Variants in ZPBP observed in about 807,000 individuals in gnomAD.
ZPBP encodes zona pellucida binding protein, also known as zona pellucida-binding protein 1.
ZPBP carries 26 observed loss-of-function variants against 44.8 expected under a neutral mutation model. The observed-to-expected ratio is 0.58, with a 90% CI of 0.43 to 0.81. The LOEUF (loss-of-function observed/expected upper bound fraction) is 0.81, where lower values mean the gene tolerates loss of function less well. Ranked by LOEUF, ZPBP falls within the 30% of genes least tolerant of loss-of-function variation. ZPBP has a pLI of 0.00. For synonymous variants in ZPBP, 174 were observed against 153.2 expected, an observed-to-expected ratio of 1.14 and a Z score of -1.00; for missense variants, 409 against 434.0, an observed-to-expected ratio of 0.94 and a Z score of 0.51.
chr7:49,920,824 T>G (rs2128746999), intron 1 of ZPBP: 1 of 152,312 alleles, frequency 6.6e-6, no homozygotes, highest in South Asian at 2.1e-4. Flanking sequence ...ACCAAGTCTG[T>G]GTGATGCTTT....
chr7:50,070,143 C>T (rs1258559120), intron 3 of ZPBP, among the ~76,000 whole-genome samples: 2 of 152,152 alleles, frequency 1.3e-5, no homozygotes, highest in African/African-American at 4.8e-5. Context: ...GTCTCTCATC[C>T]TGGGTAGGTT....
At chr7:49,877,483 T>TAC (rs1562747776) in intron 2 of ZPBP, among the ~76,000 whole-genome samples, 2 of 10,476 alleles carry the variant, frequency 1.9e-4, no homozygotes, top group African/African-American at 4.0e-4. Flanking sequence ...AAAAAAAAAA[T>TAC]ATATATATAT....
chr7:49,901,830 G>C, intron 1 of ZPBP, among the ~76,000 whole-genome samples: 1 of 144,474 alleles, frequency 6.9e-6, no homozygotes, highest in Admixed American at 7.2e-5. Context: ...TTGATCAATG[G>C]AACAGAATAG....
the ZPBP span, among the ~76,000 whole-genome samples, chr7:49,842,254 T>C: frequency 6.6e-6 from 1 of 152,218 alleles, no homozygotes; most frequent in Non-Finnish European, 1.5e-5. Flanking sequence ...CATGAACTAG[T>C]AAATGGCTAT....
At chr7:49,883,704 A>C (rs1162208571) in intron 2 of ZPBP, among the ~76,000 whole-genome samples, 2 of 152,226 alleles carry the variant, frequency 1.3e-5, no homozygotes, top group Non-Finnish European at 2.9e-5. Context: ...ACTTCCTCAA[A>C]CAGACATCAG....
downstream of ZPBP, among the ~76,000 whole-genome samples, chr7:49,849,274 G>C (rs1275726276): frequency 2.6e-5 from 4 of 152,212 alleles, no homozygotes; most frequent in African/African-American, 9.6e-5. Context: ...CCCGAGGAGA[G>C]AGAGAGAAAG....
At chr7:50,009,732 A>G (rs1584034887) in intron 6 of ZPBP, among the ~76,000 whole-genome samples, 1 of 152,276 alleles carries the variant, frequency 6.6e-6, no homozygotes, top group East Asian at 1.9e-4. Context: ...AAAATCCCAA[A>G]GAATGCAAAA....
At chr7:50,089,475 A>G (rs937080085) in intron 2 of ZPBP, among the ~76,000 whole-genome samples, 154 bp downstream of exon 2, 9 of 152,128 alleles carry the variant, frequency 5.9e-5, no homozygotes, top group African/African-American at 1.9e-4. Context: ...GATGAGTCTA[A>G]CCATATGCAA....
chr7:49,847,552 T>A (rs1386181616), downstream of ZPBP, among the ~76,000 whole-genome samples: 4 of 152,168 alleles, frequency 2.6e-5, no homozygotes, highest in Admixed American at 2.0e-4. Context: ...GAGATGATCA[T>A]CATTGTTCAA....
At position 49,943,606 on chromosome 7, in the gene ZPBP, T is replaced by C. The variant is rs1583885471; in HGVS notation, c.962-5984A>G. 1.4e-5 allele frequency: 5 copies of C among 355,420 alleles called. No homozygotes were observed. In the East Asian group the frequency reaches 4.1e-4, roughly 29 times the overall value. 22.0% of individuals were successfully genotyped at this position (355,420 alleles called of 1,614,324 possible). On this transcript the variant is annotated intron_variant, in intron 7 of 7. Transcript: ENST00000046087. ...ACTTGCATGGAAAGCAAGTGTTGGC[T>C]AATCCAAGGAGAGGACAGCAACCCA...
chr7:49,867,272 A>G (rs576965299), intron 2 of ZPBP, among the ~76,000 whole-genome samples: 3 of 152,216 alleles, frequency 2.0e-5, no homozygotes, highest in East Asian at 1.9e-4. Context: ...CACTAAAAAT[A>G]TACTTAAAGA....
intron 6 of ZPBP, among the ~76,000 whole-genome samples, chr7:50,008,085 T>C (rs995022527): frequency 6.6e-6 from 1 of 152,072 alleles, no homozygotes; most frequent in African/African-American, 2.4e-5. Context: ...AAATTATCTC[T>C]GTTTACAGAT....
chr7:49,962,583 T>C (rs1028140315), intron 7 of ZPBP, among the ~76,000 whole-genome samples: 1 of 151,894 alleles, frequency 6.6e-6, no homozygotes, highest in East Asian at 1.9e-4. Context: ...AAGATTAGCA[T>C]GCCCACTCTT....
At chr7:50,020,058 A>G (rs1008521127) in intron 5 of ZPBP, among the ~76,000 whole-genome samples, 1 of 151,918 alleles carries the variant, frequency 6.6e-6, no homozygotes, top group Admixed American at 6.6e-5. Context: ...AAAAAAAAAA[A>G]AAAGAAAGAA....
At chr7:49,969,336 T>C (rs11970999) in intron 7 of ZPBP, among the ~76,000 whole-genome samples, 117,142 of 150,382 alleles carry the variant, frequency 0.78, 45,830 homozygotes, top group East Asian at 0.89. Flanking sequence ...CTGAATGTAA[T>C]GATCCATTAA....
chr7:49,907,071 G>A (rs1240951641), intron 1 of ZPBP, among the ~76,000 whole-genome samples: 1 of 152,162 alleles, frequency 6.6e-6, no homozygotes, highest in Non-Finnish European at 1.5e-5. Flanking sequence ...CTGGGTCTGT[G>A]TATGGATGTG....
At chr7:49,981,604 T>TTATATAG (rs1217341116) in intron 7 of ZPBP, among the ~76,000 whole-genome samples, 2 of 23,642 alleles carry the variant, frequency 8.5e-5, no homozygotes, top group African/African-American at 3.7e-4. Flanking sequence ...ATTATATAAA[T>TTATATAG]TATATAATTA....
At chr7:50,044,989 T>C (rs1800275569) in intron 4 of ZPBP, among the ~76,000 whole-genome samples, 1 of 152,206 alleles carries the variant, frequency 6.6e-6, no homozygotes, top group East Asian at 1.9e-4. Context: ...GCAAGGCTGG[T>C]TCAACATACT....
At chr7:49,921,867 A>C (rs972476442) in intron 1 of ZPBP, 1 of 152,132 alleles carries the variant, frequency 6.6e-6, no homozygotes, top group African/African-American at 2.4e-5. Context: ...AGTTGAATTT[A>C]AATAATTAGG....
Sources: allele counts gnomAD v4.1 joint callset (sites outside exome capture counted in the v4.1 genomes callset), GRCh38; gene constraint gnomAD v4.1.1; transcripts MANE v1.5; gene names NCBI Gene and HGNC (gene_info 2026-07-23, HGNC 2026-07-21).